The following RC3H2 variants were observed in gnomAD, a reference collection of about 807,000 sequenced individuals.
The protein encoded by RC3H2 is ring finger and CCCH-type domains 2.
A neutral mutation model predicts 133.3 loss-of-function variants in RC3H2; 31 were observed. The observed-to-expected ratio is 0.23, with a 90% CI of 0.17 to 0.31. The LOEUF (loss-of-function observed/expected upper bound fraction) is 0.31, where lower values mean the gene tolerates loss of function less well. Ranked by LOEUF, RC3H2 falls within the 10% of genes least tolerant of loss-of-function variation. The probability of loss-of-function intolerance (pLI) is 1.00; values close to 1 mark genes in which losing one functional copy is unlikely to be tolerated. For synonymous variants in RC3H2, 517 were observed against 502.2 expected, an observed-to-expected ratio of 1.03 and a Z score of -0.40; for missense variants, 1,175 against 1,437.2, an observed-to-expected ratio of 0.82 and a Z score of 2.95.
At chr9:122,883,518 C>T (rs973297339) in intron 4 of RC3H2, 139 bp from the exon 5 acceptor site, 3 of 552,784 alleles carry the variant, frequency 5.4e-6, no homozygotes, top group Non-Finnish European at 9.1e-6. Flanking sequence ...AAGAGGACAT[C>T]ACACGTACAT....
At chr9:122,897,938 T>G (rs1363782848) in intron 1 of RC3H2, 1 of 158,620 alleles carries the variant, frequency 6.3e-6, no homozygotes. Flanking sequence ...TTTTTTTGTT[T>G]TGTTGTTTAA....
intron 4 of RC3H2, among the ~76,000 whole-genome samples, chr9:122,889,880 G>A (rs575086781): frequency 6.6e-6 from 1 of 152,230 alleles, no homozygotes; most frequent in East Asian, 1.9e-4. Flanking sequence ...AGTGGCTCAC[G>A]CCTGTAATCC....
rs1564285095 is a variant in RC3H2, at chr9:122,855,892, A to G, written c.2455-14T>C. ...ACTCTCTGAGAACTGGTTAAAAAAA[A>G]ATAAATAAAGCCAATTAGTAAGAAG... is the stretch of plus-strand genomic sequence containing the variant. On this transcript the variant is annotated splice_polypyrimidine_tract_variant and intron_variant, in intron 13 of 20. Coordinates refer to ENST00000357244, the MANE Select transcript of RC3H2 (RefSeq NM_001100588.3). 6.3e-7 allele frequency: 1 copy of G among 1,591,748 alleles called. No homozygotes were observed. Among genetic ancestry groups the G allele is most frequent in the Non-Finnish European group, 8.5e-7 (1 of 1,171,744 alleles).
In RC3H2 at chr9:122,865,575, T is replaced by A; in HGVS notation, c.1408A>T (p.Thr470Ser). Residue 470 changes from threonine (T) to serine (S), a missense_variant, in exon 10 of 21, where the codon ACA becomes TCA. Thr to Ser is a moderately conservative substitution (Grantham distance 58). Transcript: ENST00000357244. ...GAAATGACATTTCCGGCTGTGGTTG[T>A]GACAGTGTTGTTTACACCAACTTTA... ...LNKVGVNNTV[T>S]TTAGNVISVI... 6.2e-7 allele frequency: 1 copy of A among 1,614,202 alleles called. No individual in the cohort carries two copies. Among genetic ancestry groups the A allele is most frequent in the Non-Finnish European group, 8.5e-7 (1 of 1,180,022 alleles).
chr9:122,898,778 T>C (rs1393290986), intron 1 of RC3H2, among the ~76,000 whole-genome samples: 1 of 151,826 alleles, frequency 6.6e-6, no homozygotes, highest in African/African-American at 2.4e-5. Flanking sequence ...TCCATAAGTT[T>C]AGTAAAGTAA....
intron 20 of RC3H2, 85 bp downstream of exon 20, chr9:122,850,996 C>A: frequency 1.3e-6 from 2 of 1,482,364 alleles, no homozygotes; most frequent in Non-Finnish European, 9.3e-7. Flanking sequence ...CCCCTCACAG[C>A]ATAAAGCCAA....
intron 18 of RC3H2, chr9:122,853,625 G>T: frequency 4.5e-6 from 2 of 445,664 alleles, no homozygotes; most frequent in Non-Finnish European, 8.0e-6. Flanking sequence ...GGTGGTGGGT[G>T]CCTGTAATCC....
At chr9:122,852,795 C>T (rs1368758193) in intron 18 of RC3H2, among the ~76,000 whole-genome samples, 4 of 150,614 alleles carry the variant, frequency 2.7e-5, no homozygotes, top group South Asian at 2.1e-4. Flanking sequence ...CCGCCCCATC[C>T]GGGAGGTGAG....
intron 4 of RC3H2, among the ~76,000 whole-genome samples, chr9:122,883,635 T>C (rs1564309576): frequency 6.6e-6 from 1 of 152,176 alleles, no homozygotes; most frequent in African/African-American, 2.4e-5. Flanking sequence ...AAATATATTC[T>C]GTATTTAACA....
At chr9:122,897,063 TACACTA>T (rs1221890642) in intron 2 of RC3H2, among the ~76,000 whole-genome samples, 7 of 130,406 alleles carry the variant, frequency 5.4e-5, no homozygotes, top group African/African-American at 1.4e-4. Flanking sequence ...CCACATAAGA[TACACTA>T]ACACTAACGA....
intron 10 of RC3H2, among the ~76,000 whole-genome samples, chr9:122,861,361 A>G (rs1053962156): frequency 2.0e-5 from 3 of 151,806 alleles, no homozygotes; most frequent in Non-Finnish European, 2.9e-5. Flanking sequence ...GTGGTGGTCC[A>G]TGCCTGTAAT....
intron 9 of RC3H2, chr9:122,875,235 C>G: frequency 1.9e-6 from 3 of 1,551,162 alleles, no homozygotes; most frequent in South Asian, 2.4e-5. Flanking sequence ...CATGTTTCTG[C>G]TCTTTTCACT....
In RC3H2 at chr9:122,880,731, C is replaced by T; in HGVS notation, c.823G>A (p.Ala275Thr). ...TGGGCATCATGTTCTCTGCGTAATG[C>T]TTCATAACTCCGAAATTCCTCCTTC... ...QLKEEFRSYE[A>T]LRREHDAQIV... The change falls in exon 6 of 21, where the codon GCA becomes ACA. Residue 275 changes from alanine (A) to threonine (T), a missense_variant. Ala to Thr is a moderately conservative substitution (Grantham distance 58). Around this residue, in one of 8 missense-constraint regions of RC3H2, gnomAD observed 121 missense variants for 243.5 expected, o/e 0.50. Coordinates refer to ENST00000357244, the MANE Select transcript of RC3H2 (RefSeq NM_001100588.3). 6.2e-7 allele frequency: 1 copy of T among 1,614,096 alleles called. No individual in the cohort carries two copies. The highest frequency in any genetic ancestry group is 1.7e-5 in the Admixed American group (1 of 60,022).
chr9:122,904,921 C>G (rs1205642964), intron 1 of RC3H2, among the ~76,000 whole-genome samples, 189 bp downstream of exon 1: 2 of 152,180 alleles, frequency 1.3e-5, no homozygotes, highest in Non-Finnish European at 2.9e-5. Flanking sequence ...AAAGCCCTAC[C>G]AGAGAGAGGG....
chr9:122,890,064 C>T (rs1832095831), intron 4 of RC3H2: 1 of 593,262 alleles, frequency 1.7e-6, no homozygotes, highest in Non-Finnish European at 3.0e-6. Context: ...ATTGCTTGAG[C>T]ATGGATGTCG....
intron 2 of RC3H2, among the ~76,000 whole-genome samples, chr9:122,894,389 G>A (rs997828930): frequency 3.9e-5 from 6 of 152,148 alleles, no homozygotes; most frequent in African/African-American, 1.4e-4. Flanking sequence ...TGCCTTTGTG[G>A]AGCTCACATT....
Position 122,863,487 on chromosome 9 carries a change from G to GT in RC3H2, c.1634+1861dup, listed in dbSNP as rs920823694. On this transcript the variant is annotated intron_variant, in intron 10 of 20. Coordinates refer to ENST00000357244, the MANE Select transcript of RC3H2 (RefSeq NM_001100588.3). ...AGATAGATTTAATCCATGTTATGTT[G>GT]TTTTTTTTCTGTAATTTCCCATATT... Among the ~76,000 whole-genome samples the GT allele has an allele frequency of 1.9e-4, 29 of 151,662 alleles. No homozygotes were observed. The East Asian group carries it at 1.9e-3, about 10-fold the overall frequency.
In RC3H2 at chr9:122,877,543, T is replaced by C; in HGVS notation, c.1253A>G (p.Asp418Gly). The change falls in exon 9 of 21, where the codon GAT (aspartate) becomes GGT (glycine). Residue 418 changes from aspartate (D) to glycine (G), a missense_variant. Physicochemically the swap from Asp to Gly is moderately conservative, Grantham distance 94 (BLOSUM62 -1). Transcript: ENST00000357244. ...TGGACAACCCCCTTGCTGTCGCAAA[T>C]CTCGGCACATGCTAGTCTTGTATTT... ...NSKYKTSMCR[D>G]LRQQGGCPRG... 6.2e-7 allele frequency: 1 copy of C among 1,614,228 alleles called. No individual in the cohort carries two copies. Among genetic ancestry groups the C allele is most frequent in the South Asian group, 1.1e-5 (1 of 91,088 alleles).
At chr9:122,851,571 C>T in intron 18 of RC3H2, 135 bp from the exon 19 acceptor site, 1 of 1,184,102 alleles carries the variant, frequency 8.4e-7, no homozygotes, top group Non-Finnish European at 1.2e-6. Context: ...ATACTGCTGC[C>T]ATCTCGGCTC....
Sources: allele counts gnomAD v4.1 joint callset (sites outside exome capture counted in the v4.1 genomes callset), GRCh38; gene constraint gnomAD v4.1.1; regional missense constraint gnomAD v4.1.1; transcripts MANE v1.5; gene names NCBI Gene and HGNC (gene_info 2026-07-23, HGNC 2026-07-21).